The following CEP63 variants were observed in gnomAD, a reference collection of about 807,000 sequenced individuals.
CEP63 encodes centrosomal protein of 63 kDa.
Under a neutral mutation model 89.1 loss-of-function variants are expected in CEP63, and 84 were observed. The ratio of observed to expected loss-of-function variants is 0.94; its 90% CI spans 0.79 to 1.13. The LOEUF (loss-of-function observed/expected upper bound fraction) is 1.13. CEP63 is among the 50% of genes most tolerant of loss of function. The pLI is 0.00. For synonymous variants in CEP63, 267 were observed against 272.5 expected (o/e 0.98, Z 0.20); for missense variants, 838 against 813.3 (o/e 1.03, Z -0.37).
chr3:134,642,901 A>T, the CEP63 span, among the ~76,000 whole-genome samples: 1 of 152,152 alleles, frequency 6.6e-6, no homozygotes, highest in Non-Finnish European at 1.5e-5. Context: ...ACTCATCTGT[A>T]ATTTGAGGAT....
At chr3:134,633,904 A>G in the CEP63 span, among the ~76,000 whole-genome samples, 3 of 152,248 alleles carry the variant, frequency 2.0e-5, no homozygotes, top group Admixed American at 2.0e-4. Context: ...TTAGTTTAGC[A>G]TGGTCACGGT....
Position 134,532,803 on chromosome 3 carries a change from A to G in CEP63, c.344A>G (p.Glu115Gly). Reference protein sequence around the residue: ...EELCILKRSYEKLQKKQMREF... With the variant: ...EELCILKRSYGKLQKKQMREF... Reference sequence around the variant, plus strand: ...TTATGCATACTGAAGAGAAGCTATGAAAAGCTTCAGAAAAAGCAAATGAGG... The same window carrying G: ...TTATGCATACTGAAGAGAAGCTATGGAAAGCTTCAGAAAAAGCAAATGAGG... The change falls in exon 5 of 15, where the codon GAA (glutamate) becomes GGA (glycine). Residue 115 changes from glutamate to glycine, a missense_variant. Coordinates refer to ENST00000675561, the MANE Select transcript of CEP63 (RefSeq NM_001353108.3). 6.2e-7 allele frequency: 1 copy of G among 1,604,858 alleles called. No individual in the cohort carries two copies. The highest frequency in any genetic ancestry group is 8.5e-7 in the Non-Finnish European group (1 of 1,171,898).
At chr3:134,530,233 A>G (rs1276535791) in intron 3 of CEP63, among the ~76,000 whole-genome samples, 1 of 152,200 alleles carries the variant, frequency 6.6e-6, no homozygotes, top group Non-Finnish European at 1.5e-5. Flanking sequence ...TGGAAAAGTC[A>G]TGTGCTTTGT....
downstream of CEP63, among the ~76,000 whole-genome samples, chr3:134,590,041 A>C (rs1958569436): frequency 1.3e-5 from 2 of 152,216 alleles, no homozygotes. Context: ...GTGGGAGCTA[A>C]AGATTGAGCA....
upstream of CEP63, chr3:134,485,856 G>A (rs1048115603): frequency 4.9e-6 from 2 of 405,294 alleles, no homozygotes; most frequent in African/African-American, 2.2e-5. Context: ...TAAAGTGACA[G>A]CCTCGGCCGA....
At chr3:134,524,288 G>A (rs889739999) in intron 3 of CEP63, among the ~76,000 whole-genome samples, 3 of 152,194 alleles carry the variant, frequency 2.0e-5, no homozygotes, top group Admixed American at 2.0e-4. Flanking sequence ...CTTTTGGGCT[G>A]AAACTATGGG....
At chr3:134,496,610 A>G (rs761146451) in intron 2 of CEP63, among the ~76,000 whole-genome samples, 11 of 152,140 alleles carry the variant, frequency 7.2e-5, no homozygotes, top group South Asian at 2.1e-4. Flanking sequence ...TGAGCTGGTA[A>G]AGTCTTGCTC....
the CEP63 span, among the ~76,000 whole-genome samples, chr3:134,719,719 A>G: frequency 4.9e-4 from 75 of 152,206 alleles, no homozygotes; most frequent in Non-Finnish European, 1.0e-3. Flanking sequence ...TAGAAATGGA[A>G]TCATAAGGTA....
chr3:134,725,715 T>G, the CEP63 span, among the ~76,000 whole-genome samples: 1 of 152,356 alleles, frequency 6.6e-6, no homozygotes, highest in South Asian at 2.1e-4. Flanking sequence ...GTAAGAAAGT[T>G]CTGCAGCAGA....
Position 134,561,442 on chromosome 3 carries a change from G to T in CEP63, c.2019G>T (p.Arg673Ser), listed in dbSNP as rs201926443. 3 of 1,613,902 alleles carry T rather than the reference G, an allele frequency of 1.9e-6. No homozygotes were observed. The highest frequency in any genetic ancestry group is 2.5e-6 in the Non-Finnish European group (3 of 1,179,898). Residue 673 changes from arginine (R) to serine (S), a missense_variant, in exon 15 of 15, where the codon AGG (arginine) becomes AGT (serine). Physicochemically the swap from Arg to Ser is moderately radical, Grantham distance 110. Coordinates refer to ENST00000675561, the MANE Select transcript of CEP63 (RefSeq NM_001353108.3). ...GATTTTTGGAAGAGGAGGAACTGAG[G>T]TCTCATCACATTCTAGAGCGCTTGG... ...ATRFLEEEEL[R>S]SHHILERLDA...
the CEP63 span, among the ~76,000 whole-genome samples, chr3:134,730,447 A>G: frequency 2.6e-5 from 4 of 152,206 alleles, no homozygotes; most frequent in Non-Finnish European, 4.4e-5. Context: ...GTTCATCTAT[A>G]TATTAAACTA....
At chr3:134,643,230 T>A in the CEP63 span, 1 of 1,324,918 alleles carries the variant, frequency 7.5e-7, no homozygotes, top group Admixed American at 1.9e-5. Context: ...TAGTCTGAGC[T>A]CCACATCCTG....
chr3:134,714,142 C>A, the CEP63 span, among the ~76,000 whole-genome samples: 1 of 152,170 alleles, frequency 6.6e-6, no homozygotes, highest in East Asian at 1.9e-4. Context: ...GGAGAAAATA[C>A]ATTAGACCAG....
chr3:134,582,135 A>C (rs973875268), intron 10 of CEP63, among the ~76,000 whole-genome samples: 1 of 151,642 alleles, frequency 6.6e-6, no homozygotes, highest in Non-Finnish European at 1.5e-5. Flanking sequence ...AGGGAAAAAA[A>C]CTGGCAGAAA....
intron 3 of CEP63, among the ~76,000 whole-genome samples, chr3:134,527,447 G>C (rs1387247950): frequency 1.3e-5 from 2 of 152,160 alleles, no homozygotes; most frequent in Non-Finnish European, 2.9e-5. Flanking sequence ...GGCTGGTTTG[G>C]TGCCCACCAA....
the CEP63 span, among the ~76,000 whole-genome samples, chr3:134,747,793 T>C: frequency 6.6e-6 from 1 of 152,196 alleles, no homozygotes; most frequent in Non-Finnish European, 1.5e-5. Flanking sequence ...ACTTTCTTTC[T>C]TTCTTTTTTT....
At chr3:134,725,226 T>C in the CEP63 span, among the ~76,000 whole-genome samples, 2 of 152,230 alleles carry the variant, frequency 1.3e-5, no homozygotes, top group Admixed American at 1.3e-4. Context: ...TGTCATCAAA[T>C]TTGTAATCGT....
chr3:134,676,837 C>G, the CEP63 span, among the ~76,000 whole-genome samples: 2 of 152,316 alleles, frequency 1.3e-5, no homozygotes, highest in East Asian at 3.9e-4. Context: ...CCAGAGGAAC[C>G]TAGCCTGGCA....
chr3:134,711,572 C>T, the CEP63 span, among the ~76,000 whole-genome samples: 3 of 152,144 alleles, frequency 2.0e-5, no homozygotes, highest in African/African-American at 7.2e-5. Context: ...GGGTGCACCA[C>T]TTTGAGACTC....
Sources: allele counts gnomAD v4.1 joint callset (sites outside exome capture counted in the v4.1 genomes callset), GRCh38; gene constraint gnomAD v4.1.1; transcripts MANE v1.5; gene names NCBI Gene and HGNC (gene_info 2026-07-23, HGNC 2026-07-21).